The following KALRN variants were observed in gnomAD, a reference collection of about 807,000 sequenced individuals.
KALRN encodes the protein kalirin.
A neutral mutation model predicts 353.7 loss-of-function variants in KALRN; 70 were observed. The ratio of observed to expected loss-of-function variants is 0.20; its 90% CI spans 0.16 to 0.24. The LOEUF is 0.24. KALRN is among the 10% of genes least tolerant of loss of function. KALRN has a pLI of 1.00. For synonymous variants in KALRN, 1,391 were observed against 1,434.8 expected, an observed-to-expected ratio of 0.97 and a Z score of 0.69; for missense variants, 2,791 against 3,756.7, an observed-to-expected ratio of 0.74 and a Z score of 6.72.
chr3:124,658,584 A>G (rs1407523299), intron 42 of KALRN, 67 bp downstream of exon 42: 7 of 1,188,078 alleles, frequency 5.9e-6, no homozygotes, highest in Admixed American at 3.4e-5. Flanking sequence ...CCACTTTCAG[A>G]AATACCAGAC....
At chr3:124,315,565 G>A (rs977757954) in intron 6 of KALRN, among the ~76,000 whole-genome samples, 17 of 150,956 alleles carry the variant, frequency 1.1e-4, no homozygotes, top group Non-Finnish European at 2.1e-4. Context: ...TCTGGCTTCC[G>A]TCCACTGCTC....
intron 57 of KALRN, among the ~76,000 whole-genome samples, chr3:124,703,492 A>T (rs979709986): frequency 2.0e-4 from 30 of 149,766 alleles, no homozygotes; most frequent in African/African-American, 6.6e-4. Flanking sequence ...GAGCAGATTT[A>T]AAAAAAAAAG....
intron 1 of KALRN, among the ~76,000 whole-genome samples, chr3:124,114,219 CAG>C (rs2063254104): frequency 6.6e-6 from 1 of 152,172 alleles, no homozygotes; most frequent in South Asian, 2.1e-4. Context: ...GCCATTTCAT[CAG>C]AGAGGCAAGC....
At chr3:124,658,241 T>C (rs1216623919) in intron 41 of KALRN, among the ~76,000 whole-genome samples, 190 bp from the exon 42 acceptor site, 1 of 152,224 alleles carries the variant, frequency 6.6e-6, no homozygotes, top group Non-Finnish European at 1.5e-5. Flanking sequence ...TTTTTTGTTT[T>C]TTTGACCACC....
intron 13 of KALRN, chr3:124,410,341 T>C (rs185410289): frequency 6.4e-5 from 32 of 502,092 alleles, no homozygotes; most frequent in Non-Finnish European, 8.6e-5. Context: ...GGCAGGCTCT[T>C]CCTTTCATGC....
At position 124,138,345 on chromosome 3, in the gene KALRN, G is replaced by A. The variant is rs566295419; in HGVS notation, c.74-89645G>A. Among the ~76,000 whole-genome samples the A allele has an allele frequency of 2.0e-5, 3 of 152,260 alleles. No individual in the cohort carries two copies. In the South Asian group the frequency reaches 6.2e-4, roughly 32 times the overall value. Reference sequence around the variant, plus strand: ...TAGCTCTGACTAAAAGAGGGGGAGGGGAGGCTCTCTGTGCTCTACTCCACC... The same window carrying A: ...TAGCTCTGACTAAAAGAGGGGGAGGAGAGGCTCTCTGTGCTCTACTCCACC... On this transcript the variant is annotated intron_variant, in intron 1 of 59. Coordinates refer to ENST00000682506, the MANE Select transcript of KALRN (RefSeq NM_001388419.1).
chr3:124,187,084 ATCTTT>A (rs553911468), intron 1 of KALRN, among the ~76,000 whole-genome samples: 135 of 152,132 alleles, frequency 8.9e-4, no homozygotes, highest in African/African-American at 3.2e-3. Flanking sequence ...TTTGTTTTTT[ATCTTT>A]TCTTTTTTTG....
chr3:124,667,144 A>T lies in KALRN; in HGVS notation c.6664A>T (p.Ile2222Phe). Residue 2222 changes from isoleucine to phenylalanine, a missense_variant, in exon 47 of 60, where the codon ATC (isoleucine) becomes TTC (phenylalanine). By Grantham distance (21) the Ile-to-Phe change is conservative. Coordinates refer to ENST00000682506, the MANE Select transcript of KALRN (RefSeq NM_001388419.1). ...CATCCAGCAGGCCTGGGTGCAGGAC[A>T]TCAATCAAGTCTTAGAAACACAGCG... ...ADIQQAWVQD[I>F]NQVLETQRDF... 1 of 1,614,182 alleles carries T rather than the reference A, an allele frequency of 6.2e-7. No individual in the cohort carries two copies. Among genetic ancestry groups the T allele is most frequent in the Non-Finnish European group, 8.5e-7 (1 of 1,180,012 alleles).
intron 13 of KALRN, among the ~76,000 whole-genome samples, chr3:124,400,979 G>A (rs2090783152): frequency 1.3e-5 from 2 of 152,138 alleles, no homozygotes; most frequent in African/African-American, 4.8e-5. Flanking sequence ...AGGGTTGCTG[G>A]TTCAGCGCTG....
In KALRN at chr3:124,650,893, A is replaced by C; in HGVS notation, c.5750A>C (p.Lys1917Thr). Residue 1917 changes from lysine (K) to threonine (T), a missense_variant, in exon 38 of 60, where the codon AAA becomes ACA. Lys to Thr is a moderately conservative substitution (Grantham distance 78, BLOSUM62 -1). This residue lies in a region of KALRN where 1,065 missense variants were observed against 1,156.4 expected (regional missense o/e 0.92). Coordinates refer to ENST00000682506, the MANE Select transcript of KALRN (RefSeq NM_001388419.1). ...NEGMAPPTPP[K>T]NPEEEQKAKA... is the part of the protein sequence containing the mutation. ...GGGATGGCCCCACCCACACCTCCTA[A>C]AAACCCAGAAGAAGAACAGAAAGCC... 6.2e-7 allele frequency: 1 copy of C among 1,614,202 alleles called. No individual in the cohort carries two copies. The highest frequency in any genetic ancestry group is 1.1e-5 in the South Asian group (1 of 91,068).
chr3:124,110,479 A>G lies in KALRN; in HGVS notation c.73+76666A>G, dbSNP rs910923654. On this transcript the variant is annotated intron_variant, in intron 1 of 59. Coordinates refer to ENST00000682506, the MANE Select transcript of KALRN (RefSeq NM_001388419.1). ...TATATACACACGCGCGCACACACAC[A>G]CACACACACACACACACATTGTGAA... 3.4e-4 allele frequency among the ~76,000 whole-genome samples: 52 copies of G among 151,570 alleles called. No individual in the cohort carries two copies. In the East Asian group the frequency reaches 7.4e-3, roughly 22 times the overall value.
At chr3:124,131,162 A>G (rs2065232955) in intron 1 of KALRN, among the ~76,000 whole-genome samples, 1 of 152,238 alleles carries the variant, frequency 6.6e-6, no homozygotes, top group African/African-American at 2.4e-5. Flanking sequence ...AATTTGCCAC[A>G]GACCCCAGTG....
At chr3:124,434,239 A>T (rs1221324838) in intron 16 of KALRN, 68 bp from the exon 17 acceptor site, 3 of 1,232,916 alleles carry the variant, frequency 2.4e-6, no homozygotes, top group Non-Finnish European at 3.5e-6. Context: ...CTCACGCCTC[A>T]CTCCACCCCC....
At chr3:124,078,348 A>G (rs1261289443) in intron 1 of KALRN, among the ~76,000 whole-genome samples, 1 of 152,180 alleles carries the variant, frequency 6.6e-6, no homozygotes, top group Admixed American at 6.5e-5. Context: ...AGCTGCCTAG[A>G]CTTGGGTTCC....
chr3:124,169,102 C>G (rs1468606548), intron 1 of KALRN, among the ~76,000 whole-genome samples: 1 of 152,184 alleles, frequency 6.6e-6, no homozygotes, highest in Non-Finnish European at 1.5e-5. Context: ...CTCATGTAAA[C>G]TGGAAATAAT....
intron 1 of KALRN, among the ~76,000 whole-genome samples, chr3:124,212,451 T>C (rs1201361678): frequency 6.6e-6 from 1 of 152,204 alleles, no homozygotes; most frequent in East Asian, 1.9e-4. Context: ...TACTCAGAAA[T>C]ACAAATTGTA....
intron 1 of KALRN, among the ~76,000 whole-genome samples, chr3:124,089,818 C>G (rs999993972): frequency 2.0e-5 from 3 of 151,928 alleles, no homozygotes; most frequent in African/African-American, 7.3e-5. Flanking sequence ...CCTGTGAAGA[C>G]CTAGGGAAGG....
At chr3:124,056,535 CT>C (rs1394290636) in intron 1 of KALRN, among the ~76,000 whole-genome samples, 1 of 152,132 alleles carries the variant, frequency 6.6e-6, no homozygotes, top group East Asian at 1.9e-4. Context: ...ACTGAGGTTC[CT>C]TTAATCTCTT....
intron 1 of KALRN, among the ~76,000 whole-genome samples, chr3:124,072,790 C>G (rs1036616556): frequency 1.3e-5 from 2 of 152,190 alleles, no homozygotes; most frequent in African/African-American, 4.8e-5. Context: ...ATTAATTGCT[C>G]TGAGTTCAAT....
Sources: allele counts gnomAD v4.1 joint callset (sites outside exome capture counted in the v4.1 genomes callset), GRCh38; gene constraint gnomAD v4.1.1; regional missense constraint gnomAD v4.1.1; transcripts MANE v1.5; gene names NCBI Gene and HGNC (gene_info 2026-07-23, HGNC 2026-07-21).